Variants in CCNDBP1 observed in about 807,000 individuals in gnomAD.
CCNDBP1 encodes cyclin D1 binding protein 1, also known as cyclin-D1-binding protein 1.
In CCNDBP1, 45 loss-of-function variants were observed where a neutral mutation model predicts 46.2. That is an observed-to-expected ratio of 0.97 (90% CI 0.77 to 1.25). CCNDBP1 has a LOEUF of 1.25. Among genes scored for constraint, CCNDBP1 ranks in the 50% most tolerant of loss-of-function variants. The pLI is 0.00. For missense variants in CCNDBP1, 436 were observed against 442.1 expected, an observed-to-expected ratio of 0.99 and a Z score of 0.12; for synonymous variants, 154 against 163.6, an observed-to-expected ratio of 0.94 and a Z score of 0.45.
rs1213068241 is a variant in CCNDBP1 at position 43,186,212 on chromosome 15, G to T, written c.228G>T (p.Gln76His). ...CGACTCTGACCATAGTCTTCTCTCA[G>T]CTTCCACTGCCGTCTCCACAGGTGG... ...EATTLTIVFS[Q>H]LPLPSPQETQ... Residue 76 changes from glutamine to histidine, a missense_variant, in exon 3 of 11, where the codon CAG becomes CAT. Transcript: ENST00000300213. 1.2e-6 allele frequency: 2 copies of T among 1,614,096 alleles called. No individual in the cohort carries two copies. The highest frequency in any genetic ancestry group is 1.7e-4 in the Middle Eastern group (1 of 6,060).
intron 2 of CCNDBP1, 83 bp downstream of exon 2, chr15:43,185,962 G>GAGCAGTCCCCTCCGT: frequency 1.4e-6 from 2 of 1,386,726 alleles, no homozygotes; most frequent in Non-Finnish European, 2.0e-6. Flanking sequence ...CCCCCACGGA[G>GAGCAGTCCCCTCCGT]GGGACTGCTC....
chr15:43,194,560 G>A lies in CCNDBP1; in HGVS notation c.968+99G>A, dbSNP rs992482418. 14 of 1,047,802 alleles carry A rather than the reference G, an allele frequency of 1.3e-5. No homozygotes were observed. In the African/African-American group the frequency reaches 2.3e-4, roughly 17 times the overall value. The allele number at this position is 1,047,802 out of a possible 1,614,324, so 64.9% of individuals were successfully genotyped here. On this transcript the variant is annotated intron_variant, in intron 10 of 10. Coordinates refer to ENST00000300213, the MANE Select transcript of CCNDBP1 (RefSeq NM_012142.5). ...AGCTCCCATTTCAAGGAGTGGGAAA[G>A]GGTGGGTGTGGGATTTTCTTTCAGC... is the stretch of plus-strand genomic sequence containing the variant.
At chr15:43,189,867 C>T (rs1036015687) in intron 4 of CCNDBP1, 188 bp from the exon 5 acceptor site, 1 of 560,244 alleles carries the variant, frequency 1.8e-6, no homozygotes, top group Non-Finnish European at 3.2e-6. Context: ...GAAGAAAACA[C>T]TAAGGAATGG....
intron 3 of CCNDBP1, 120 bp downstream of exon 3, chr15:43,186,353 G>A: frequency 1.3e-6 from 1 of 798,950 alleles, no homozygotes; most frequent in Non-Finnish European, 2.0e-6. Flanking sequence ...GTCCAGTGAG[G>A]TTACCGTTTT....
chr15:43,194,730 A>G lies in CCNDBP1; in HGVS notation c.972A>G (p.Ala324=). The G allele has an allele frequency of 1.3e-6, 2 of 1,593,154 alleles. No individual in the cohort carries two copies. The highest frequency in any genetic ancestry group is 1.7e-6 in the Non-Finnish European group (2 of 1,160,866). ...TTCTTTCCTATTCTATTCACAGAGC[A>G]AGTCATGTGACCCCTCAGCCAGAAG... is the stretch of plus-strand genomic sequence containing the variant. ...VLKKALEITK[A]SHVTPQPEDS... Residue 324 remains alanine (A), a synonymous_variant, in exon 11 of 11, where the codon GCA becomes GCG. Coordinates refer to ENST00000300213, the MANE Select transcript of CCNDBP1 (RefSeq NM_012142.5).
At chr15:43,192,034 T>C (rs941715369) in intron 8 of CCNDBP1, among the ~76,000 whole-genome samples, 2 of 152,200 alleles carry the variant, frequency 1.3e-5, no homozygotes, top group African/African-American at 4.8e-5. Context: ...ACATTGAATA[T>C]AATAGTATTA....
chr15:43,185,929 C>T (rs1302544023), intron 2 of CCNDBP1, 50 bp downstream of exon 2: 27 of 1,556,624 alleles, frequency 1.7e-5, no homozygotes, highest in Admixed American at 1.4e-4. Flanking sequence ...CTCCAGCGTC[C>T]CGACCCCTTT....
Position 43,185,788 on chromosome 15 carries a change from A to G in CCNDBP1, c.110-32A>G, listed in dbSNP as rs1361401326. The G allele has an allele frequency of 6.9e-6, 11 of 1,605,384 alleles. No homozygotes were observed. In the African/African-American group the frequency reaches 1.1e-4, roughly 16 times the overall value. ...GCTTACCTCAGCTTTTCCATTCGCC[A>G]CCGTTCGGCCCCCACACGCCACACC... On this transcript the variant is annotated intron_variant, in intron 1 of 10. Transcript: ENST00000300213.
chr15:43,191,353 T>G, intron 7 of CCNDBP1, 42 bp from the exon 8 acceptor site: 1 of 1,296,676 alleles, frequency 7.7e-7, no homozygotes, highest in African/African-American at 1.5e-5. Flanking sequence ...CTTTTTTTTT[T>G]TTTTTTTTTT....
At position 43,186,218 on chromosome 15, in the gene CCNDBP1, A is replaced by G. The variant is rs779619844; in HGVS notation, c.234A>G (p.Pro78=). 1 of 1,613,960 alleles carries G rather than the reference A, an allele frequency of 6.2e-7. No individual in the cohort carries two copies. Among genetic ancestry groups the G allele is most frequent in the Admixed American group, 1.7e-5 (1 of 60,032 alleles). The change falls in exon 3 of 11, where the codon CCA becomes CCG. Residue 78 remains proline, a synonymous_variant. Coordinates refer to ENST00000300213, the MANE Select transcript of CCNDBP1 (RefSeq NM_012142.5). ...TTLTIVFSQL[P]LPSPQETQKF... ...TGACCATAGTCTTCTCTCAGCTTCCACTGCCGTCTCCACAGGTGGGCTTCA... is the reference window on the plus strand; with the variant it reads ...TGACCATAGTCTTCTCTCAGCTTCCGCTGCCGTCTCCACAGGTGGGCTTCA...
intron 3 of CCNDBP1, among the ~76,000 whole-genome samples, chr15:43,186,546 C>G (rs938384526): frequency 6.6e-6 from 1 of 152,106 alleles, no homozygotes; most frequent in Non-Finnish European, 1.5e-5. Flanking sequence ...GACAGATGAG[C>G]AAGGAGGCTC....
intron 9 of CCNDBP1, chr15:43,194,206 T>TTAAA (rs1471577413): frequency 1.1e-4 from 54 of 497,832 alleles, no homozygotes; most frequent in Non-Finnish European, 1.5e-4. Context: ...CTTATTAAAA[T>TTAAA]GTTATAGCAA....
At chr15:43,193,663 C>T (rs1225806163) in intron 9 of CCNDBP1, among the ~76,000 whole-genome samples, 1 of 152,132 alleles carries the variant, frequency 6.6e-6, no homozygotes, top group Admixed American at 6.6e-5. Flanking sequence ...AGAGAGAGTT[C>T]TGTTCTCTCT....
In CCNDBP1 at chr15:43,185,887, C is replaced by G. The variant is rs746710977; in HGVS notation, c.169+8C>G. 7 of 1,607,876 alleles carry G rather than the reference C, an allele frequency of 4.4e-6. No individual in the cohort carries two copies. The highest frequency in any genetic ancestry group is 8.5e-7 in the Non-Finnish European group (1 of 1,178,750). On this transcript the variant is annotated splice_region_variant and intron_variant, in intron 2 of 10. Coordinates refer to ENST00000300213, the MANE Select transcript of CCNDBP1 (RefSeq NM_012142.5). ...TGTTCTGGAGAAGACTCAGTGAGTGCGCCTCCTTCCGGGCTCCCCTTGCCT... is the reference window on the plus strand; with the variant it reads ...TGTTCTGGAGAAGACTCAGTGAGTGGGCCTCCTTCCGGGCTCCCCTTGCCT...
chr15:43,189,134 A>T, intron 3 of CCNDBP1, 65 bp from the exon 4 acceptor site: 1 of 668,690 alleles, frequency 1.5e-6, no homozygotes, highest in Non-Finnish European at 2.6e-6. Context: ...AAGAAAAGAA[A>T]TATCTGCTCT....
chr15:43,186,050 C>A, intron 2 of CCNDBP1, 104 bp from the exon 3 acceptor site: 1 of 1,256,272 alleles, frequency 8.0e-7, no homozygotes, highest in Non-Finnish European at 1.2e-6. Flanking sequence ...CTAACCTCGA[C>A]ATTCGGGAAG....
At chr15:43,192,662 C>G (rs2041972346) in intron 8 of CCNDBP1, 81 bp from the exon 9 acceptor site, 1 of 1,277,054 alleles carries the variant, frequency 7.8e-7, no homozygotes, top group Non-Finnish European at 1.1e-6. Context: ...CAGTTTCTCA[C>G]TGTTGACATC....
intron 8 of CCNDBP1, 95 bp from the exon 9 acceptor site, chr15:43,192,647 TG>T: frequency 8.9e-7 from 1 of 1,123,294 alleles, no homozygotes; most frequent in Non-Finnish European, 1.3e-6. Context: ...CAGGCATTTC[TG>T]GGACAGTTTC....
rs1326953594 is a variant in CCNDBP1, at chr15:43,191,583, G to T, written c.768G>T (p.Lys256Asn). Residue 256 changes from lysine (K) to asparagine (N), a missense_variant, in exon 8 of 11, where the codon AAG becomes AAT. By Grantham distance (94) the Lys-to-Asn change is moderately conservative (BLOSUM62 0). Transcript: ENST00000300213. ...ALVRASKACL[K>N]KIRMLVAENG... ...TGAGAGCATCCAAAGCCTGCCTGAA[G>T]AAAATTCGGATGTTAGTGGCAGAGA... 1 of 1,614,054 alleles carries T rather than the reference G, an allele frequency of 6.2e-7. No homozygotes were observed. The highest frequency in any genetic ancestry group is 1.7e-5 in the Admixed American group (1 of 60,010).
Sources: gnomAD v4.1 joint callset for allele counts (sites outside exome capture counted in the v4.1 genomes callset) on GRCh38, gnomAD v4.1.1 for gene constraint, MANE v1.5 for transcripts, NCBI Gene and HGNC (gene_info 2026-07-23, HGNC 2026-07-21) for gene names.